Variants in CRLS1 observed in about 807,000 individuals in gnomAD.
CRLS1 encodes the protein cardiolipin synthase (CMP-forming).
Under a neutral mutation model 37.0 loss-of-function variants are expected in CRLS1, and 24 were observed. The observed-to-expected ratio is 0.65, with a 90% CI of 0.47 to 0.91. The LOEUF is 0.91. CRLS1 is among the 40% of genes least tolerant of loss of function. The pLI is 0.00. For missense variants in CRLS1, 373 were observed against 395.8 expected (o/e 0.94, Z 0.49); for synonymous variants, 135 against 159.7 (o/e 0.85, Z 1.17).
At position 6,039,664 on chromosome 20, in the gene CRLS1, T is replaced by C. The variant is rs938671045; in HGVS notation, c.*2506T>C. On this transcript the variant is annotated 3_prime_UTR_variant, in exon 7 of 7. Transcript: ENST00000378863. ...CTGTACATGTGACCTTATTTGGAAATAGGGTCTTTTTAGATGCAGTCAAGA... is the reference window on the plus strand; with the variant it reads ...CTGTACATGTGACCTTATTTGGAAACAGGGTCTTTTTAGATGCAGTCAAGA... 1.3e-5 allele frequency: 2 copies of C among 151,284 alleles called. No homozygotes were observed. The highest frequency in any genetic ancestry group is 2.9e-5 in the Non-Finnish European group (2 of 67,972). 9.4% of individuals were successfully genotyped at this position (151,284 alleles called of 1,614,324 possible).
At position 6,006,403 on chromosome 20, in the gene CRLS1, C is replaced by A; in HGVS notation, c.157C>A (p.Pro53Thr). 1 of 1,408,840 alleles carries A rather than the reference C, an allele frequency of 7.1e-7. No individual in the cohort carries two copies. The highest frequency in any genetic ancestry group is 1.5e-5 in the African/African-American group (1 of 67,414). 87.3% of individuals were successfully genotyped at this position (1,408,840 alleles called of 1,614,324 possible). A position where few individuals can be genotyped will look rare whatever the true frequency, so the allele number is the denominator to read the frequency against. The change falls in exon 1 of 7, where the codon CCG becomes ACG. Residue 53 changes from proline (P) to threonine (T), a missense_variant. Physicochemically the swap from Pro to Thr is conservative, Grantham distance 38. Coordinates refer to ENST00000378863, the MANE Select transcript of CRLS1 (RefSeq NM_019095.6). ...CCTGGCCGAACGCTGGAGGCTGCGT[C>A]CGGCCGCTCTTGGCTTGCGGCTGCC... Reference protein sequence around the residue: ...GCLAERWRLRPAALGLRLPGI... With the variant: ...GCLAERWRLRTAALGLRLPGI...
chr20:6,029,794 T>C (rs2123012681), intron 3 of CRLS1, among the ~76,000 whole-genome samples: 1 of 152,384 alleles, frequency 6.6e-6, no homozygotes, highest in East Asian at 1.9e-4. Flanking sequence ...TAGCCACATC[T>C]TGTTTGCTCC....
At chr20:6,017,631 C>T (rs1262954442) in intron 3 of CRLS1, among the ~76,000 whole-genome samples, 1 of 152,152 alleles carries the variant, frequency 6.6e-6, no homozygotes, top group Non-Finnish European at 1.5e-5. Context: ...TAGCCCTTTC[C>T]ATTTGTTTCC....
intron 3 of CRLS1, among the ~76,000 whole-genome samples, chr20:6,018,376 A>G (rs1978939531): frequency 6.6e-6 from 1 of 152,098 alleles, no homozygotes. Flanking sequence ...ATGCTTATTT[A>G]TGTCTTGTAT....
chr20:6,015,311 T>G, intron 2 of CRLS1, 50 bp from the exon 3 acceptor site: 1 of 1,243,454 alleles, frequency 8.0e-7, no homozygotes, highest in Non-Finnish European at 1.1e-6. Context: ...AATATCTGCT[T>G]TGTTCCTGTT....
intron 3 of CRLS1, among the ~76,000 whole-genome samples, chr20:6,021,422 C>G (rs540458783): frequency 6.6e-6 from 1 of 152,250 alleles, no homozygotes; most frequent in Admixed American, 6.5e-5. Flanking sequence ...AGAATTGTTA[C>G]GTCTTCTTGG....
intron 3 of CRLS1, among the ~76,000 whole-genome samples, chr20:6,019,632 A>G (rs1426083415): frequency 7.7e-6 from 1 of 129,426 alleles, no homozygotes; most frequent in African/African-American, 2.9e-5. Flanking sequence ...ACTTCATTAC[A>G]TCTTGTAGTT....
rs747032801 is a variant in CRLS1, at chr20:6,006,512, C to A, written c.266C>A (p.Ala89Asp). Residue 89 changes from alanine to aspartate, a missense_variant, in exon 1 of 7, where the codon GCC becomes GAC. Ala to Asp is a moderately radical substitution (Grantham distance 126, BLOSUM62 -2). Transcript: ENST00000378863. ...GCCGGAGCGGGCGCCGCTGCCGAAG[C>A]CCCGGGCGGCCAGTGGGGCCCGGCG... ...PAAGAGAAAE[A>D]PGGQWGPAST... 2 of 1,336,022 alleles carry A rather than the reference C, an allele frequency of 1.5e-6. No homozygotes were observed. The highest frequency in any genetic ancestry group is 9.5e-7 in the Non-Finnish European group (1 of 1,051,654). 82.8% of individuals were successfully genotyped at this position (1,336,022 alleles called of 1,614,324 possible). A position where few individuals can be genotyped will look rare whatever the true frequency, so the allele number is the denominator to read the frequency against.
Position 6,006,227 on chromosome 20 carries a change from C to G in CRLS1, c.-20C>G. ...GCTGAGCTCTCGCCGCCCGAGACCC[C>G]GCGGCGCGGCCGCAGGGCCATGCTA... is the stretch of plus-strand genomic sequence containing the variant. On this transcript the variant is annotated 5_prime_UTR_variant, in exon 1 of 7. Coordinates refer to ENST00000378863, the MANE Select transcript of CRLS1 (RefSeq NM_019095.6). The G allele has an allele frequency of 8.2e-7, 1 of 1,214,304 alleles. No homozygotes were observed. Among genetic ancestry groups the G allele is most frequent in the Non-Finnish European group, 1.0e-6 (1 of 974,858 alleles). 75.2% of individuals were successfully genotyped at this position (1,214,304 alleles called of 1,614,324 possible). A position where few individuals can be genotyped will look rare whatever the true frequency, so the allele number is the denominator to read the frequency against.
intron 1 of CRLS1, among the ~76,000 whole-genome samples, chr20:6,009,322 CA>C (rs60724010): frequency 0.018 from 2,543 of 137,632 alleles, 58 homozygotes; most frequent in African/African-American, 0.062. Flanking sequence ...GACTCCATCT[CA>C]AAAAAAAAAA....
At chr20:6,014,974 A>G (rs1978629324) in intron 2 of CRLS1, among the ~76,000 whole-genome samples, 1 of 152,150 alleles carries the variant, frequency 6.6e-6, no homozygotes, top group Admixed American at 6.5e-5. Flanking sequence ...GAGTTGGATT[A>G]TATTATCCTA....
chr20:6,015,326 CATTT>C (rs760651040), intron 2 of CRLS1, 31 bp from the exon 3 acceptor site: 2 of 1,426,044 alleles, frequency 1.4e-6, no homozygotes, highest in African/African-American at 2.9e-5. Context: ...CCTGTTATGA[CATTT>C]ATATATATAA....
chr20:6,022,335 CTTT>C (rs34621758), intron 3 of CRLS1, among the ~76,000 whole-genome samples: 3 of 94,662 alleles, frequency 3.2e-5, no homozygotes, highest in Non-Finnish European at 2.0e-5. Context: ...TAATCCATTG[CTTT>C]TTTTTTTTTT....
chr20:6,016,473 G>A (rs1006695207), intron 3 of CRLS1, among the ~76,000 whole-genome samples: 1 of 135,250 alleles, frequency 7.4e-6, no homozygotes, highest in Non-Finnish European at 1.6e-5. Context: ...GTGTGTGTGT[G>A]TGAGTTTTCT....
Position 6,006,480 on chromosome 20 carries a change from G to A in CRLS1, c.234G>A (p.Arg78=), listed in dbSNP as rs1056784195. The change falls in exon 1 of 7, where the codon AGG becomes AGA. Residue 78 remains arginine (R), a synonymous_variant. Coordinates refer to ENST00000378863, the MANE Select transcript of CRLS1 (RefSeq NM_019095.6). ...CGGGCGCGGGGAAGGCGGCTCCCAG[G>A]CCAGCGGCCGGAGCGGGCGCCGCTG... ...HCSGAGKAAP[R]PAAGAGAAAE... The A allele has an allele frequency of 2.0e-5, 27 of 1,383,492 alleles. No individual in the cohort carries two copies. Among genetic ancestry groups the A allele is most frequent in the Non-Finnish European group, 2.1e-5 (23 of 1,073,214 alleles). The allele number at this position is 1,383,492 out of a possible 1,614,324, so 85.7% of individuals were successfully genotyped here. A position where few individuals can be genotyped will look rare whatever the true frequency, so the allele number is the denominator to read the frequency against.
rs1311174514 is a variant in CRLS1 at position 6,008,127 on chromosome 20, TTTTAAAAGAATCTTCAGAAATGG to T, written c.306+1576_306+1598del. 5.5e-4 allele frequency among the ~76,000 whole-genome samples: 8 copies of T among 14,468 alleles called. No homozygotes were observed. In the African/African-American group the frequency reaches 8.2e-3, roughly 15 times the overall value. 9.5% of individuals were successfully genotyped at this position (14,468 alleles called of 152,430 possible). ...TTTTTTTACAGGATAGTTCATAGAA[TTTTAAAAGAATCTTCAGAAATGG>T]AATTTTAAAAGAATCTTCAGAAATG... is the stretch of plus-strand genomic sequence containing the variant. On this transcript the variant is annotated intron_variant, in intron 1 of 6. Coordinates refer to ENST00000378863, the MANE Select transcript of CRLS1 (RefSeq NM_019095.6).
intron 2 of CRLS1, among the ~76,000 whole-genome samples, chr20:6,010,201 A>G (rs1345758999): frequency 6.6e-6 from 1 of 151,960 alleles, no homozygotes; most frequent in East Asian, 1.9e-4. Flanking sequence ...ATTTCCAAAG[A>G]GCTGAGTGCT....
chr20:6,028,086 T>G (rs1465898544), intron 3 of CRLS1, among the ~76,000 whole-genome samples: 1 of 152,258 alleles, frequency 6.6e-6, no homozygotes, highest in Non-Finnish European at 1.5e-5. Flanking sequence ...TATGCAGTCT[T>G]GCATGTTCCT....
At chr20:6,018,781 G>T (rs1327548558) in intron 3 of CRLS1, among the ~76,000 whole-genome samples, 4 of 152,070 alleles carry the variant, frequency 2.6e-5, no homozygotes, top group Non-Finnish European at 5.9e-5. Flanking sequence ...AACTCCTTTT[G>T]TGTATTCCTA....
Sources: allele counts gnomAD v4.1 joint callset (sites outside exome capture counted in the v4.1 genomes callset), GRCh38; gene constraint gnomAD v4.1.1; transcripts MANE v1.5; gene names NCBI Gene and HGNC (gene_info 2026-07-23, HGNC 2026-07-21).